The following XPO4 variants were observed in gnomAD, a reference collection of about 807,000 sequenced individuals.
The protein encoded by XPO4 is exportin-4.
In XPO4, 39 loss-of-function variants were observed where a neutral mutation model predicts 143.0. The ratio of observed to expected loss-of-function variants is 0.27; its 90% CI spans 0.21 to 0.36. The LOEUF (loss-of-function observed/expected upper bound fraction) is 0.36, where lower values mean the gene tolerates loss of function less well. Ranked by LOEUF, XPO4 falls within the 10% of genes least tolerant of loss-of-function variation. The pLI is 1.00. For missense variants in XPO4, 907 were observed against 1,348.0 expected, an observed-to-expected ratio of 0.67 and a Z score of 5.12; for synonymous variants, 439 against 474.0, an observed-to-expected ratio of 0.93 and a Z score of 0.96.
chr13:20,820,339 A>G (rs574837123), intron 9 of XPO4, among the ~76,000 whole-genome samples: 2 of 152,248 alleles, frequency 1.3e-5, no homozygotes, highest in Non-Finnish European at 2.9e-5. Context: ...AGGATGCCAT[A>G]TATCTTCCAG....
chr13:20,788,951 TAAAA>T (rs1363385588), intron 19 of XPO4, among the ~76,000 whole-genome samples: 1 of 152,156 alleles, frequency 6.6e-6, no homozygotes, highest in African/African-American at 2.4e-5. Context: ...AACTTAGGAG[TAAAA>T]CCTTTTTGTA....
At chr13:20,793,866 G>A (rs866170228) in intron 18 of XPO4, among the ~76,000 whole-genome samples, 5 of 152,210 alleles carry the variant, frequency 3.3e-5, no homozygotes, top group African/African-American at 1.2e-4. Flanking sequence ...TCCAGGGCAA[G>A]TCGTACAGAA....
At chr13:20,898,618 A>G (rs1373515802) in intron 1 of XPO4, among the ~76,000 whole-genome samples, 2 of 152,156 alleles carry the variant, frequency 1.3e-5, no homozygotes, top group Non-Finnish European at 1.5e-5. Context: ...GTATCAGTTA[A>G]TATGTGTGCT....
At chr13:20,820,215 T>C (rs2059701823) in intron 9 of XPO4, among the ~76,000 whole-genome samples, 1 of 152,260 alleles carries the variant, frequency 6.6e-6, no homozygotes, top group Non-Finnish European at 1.5e-5. Context: ...TCTGCTTCTC[T>C]GCAAATGCAT....
intron 19 of XPO4, among the ~76,000 whole-genome samples, chr13:20,789,750 T>G (rs2059254478): frequency 6.7e-6 from 1 of 149,616 alleles, no homozygotes. Context: ...TGTCTTTATC[T>G]CGTGTGTGTG....
intron 21 of XPO4, 101 bp downstream of exon 21, chr13:20,787,380 C>T: frequency 1.7e-6 from 2 of 1,160,756 alleles, no homozygotes; most frequent in Non-Finnish European, 1.3e-6. Flanking sequence ...TCCTTGCCCC[C>T]GAAAGAATGG....
intron 1 of XPO4, among the ~76,000 whole-genome samples, chr13:20,870,975 T>C (rs1447120767): frequency 6.6e-6 from 1 of 151,936 alleles, no homozygotes; most frequent in Non-Finnish European, 1.5e-5. Flanking sequence ...GCCCAGCTAA[T>C]TTTTGTATTT....
At chr13:20,858,293 T>C (rs2060163568) in intron 3 of XPO4, among the ~76,000 whole-genome samples, 1 of 152,144 alleles carries the variant, frequency 6.6e-6, no homozygotes, top group Admixed American at 6.5e-5. Context: ...ACTCAGAATA[T>C]GGAATCAGAA....
chr13:20,828,035 C>G lies in XPO4; in HGVS notation c.728-856G>C, dbSNP rs541858362. On this transcript the variant is annotated intron_variant, in intron 6 of 22. Coordinates refer to ENST00000255305, the MANE Select transcript of XPO4 (RefSeq NM_022459.5). The stretch of plus-strand genomic sequence containing the variant: ...GGCGGATCACCTGAGGTCAGGAGTT[C>G]GAGACCAGCCTGGCCAACATGGTGA... Among the ~76,000 whole-genome samples, 15 of 152,202 alleles carry G rather than the reference C, an allele frequency of 9.9e-5. No homozygotes were observed. The East Asian group carries it at 2.9e-3, about 29-fold the overall frequency.
At chr13:20,791,133 G>A (rs1381553078) in intron 18 of XPO4, among the ~76,000 whole-genome samples, 2 of 151,638 alleles carry the variant, frequency 1.3e-5, no homozygotes, top group Non-Finnish European at 2.9e-5. Flanking sequence ...ATAAATTAAT[G>A]AGAATACTAA....
At chr13:20,878,067 C>T (rs1009296505) in intron 1 of XPO4, among the ~76,000 whole-genome samples, 6 of 152,004 alleles carry the variant, frequency 3.9e-5, no homozygotes, top group African/African-American at 1.4e-4. Flanking sequence ...CGTGGTAGCA[C>T]GCACCTGCAG....
At chr13:20,783,974 G>C (rs74036440) in intron 22 of XPO4, 55 bp from the exon 23 acceptor site, 3 of 1,551,868 alleles carry the variant, frequency 1.9e-6, no homozygotes, top group Non-Finnish European at 2.7e-6. Flanking sequence ...CATACAAGTA[G>C]ATCTTATCAG....
chr13:20,856,543 G>C (rs1327591392), intron 3 of XPO4, among the ~76,000 whole-genome samples: 1 of 152,104 alleles, frequency 6.6e-6, no homozygotes, highest in Non-Finnish European at 1.5e-5. Flanking sequence ...CAACCACCAA[G>C]TGCCCCTGGA....
At chr13:20,853,053 C>T in intron 4 of XPO4, 1 of 985,146 alleles carries the variant, frequency 1.0e-6, no homozygotes, top group Non-Finnish European at 1.2e-6. Context: ...TTCCCATGGC[C>T]AGCCGTGGTG....
rs369192616 is a variant in XPO4, at chr13:20,902,715, G to C, written c.24C>G (p.Pro8=). 1 of 1,565,638 alleles carries C rather than the reference G, an allele frequency of 6.4e-7. No individual in the cohort carries two copies. Among genetic ancestry groups the C allele is most frequent in the East Asian group, 2.5e-5 (1 of 39,606 alleles). ...TCTCCAGCTGAGCGATCACTTCTGG[G>C]GGCCCCAGCGCCGCCGCCATCATGG... MMAAALG[P]PEVIAQLENA... is the part of the protein sequence containing the mutation. The change falls in exon 1 of 23, where the codon CCC becomes CCG. Residue 8 remains proline (P), a synonymous_variant. Coordinates refer to ENST00000255305, the MANE Select transcript of XPO4 (RefSeq NM_022459.5).
At chr13:20,824,574 C>T (rs2059760874) in intron 7 of XPO4, among the ~76,000 whole-genome samples, 1 of 152,174 alleles carries the variant, frequency 6.6e-6, no homozygotes. Context: ...CCACATAAAA[C>T]TAATAATAAA....
At chr13:20,844,192 T>A (rs1237708420) in intron 4 of XPO4, among the ~76,000 whole-genome samples, 1 of 152,210 alleles carries the variant, frequency 6.6e-6, no homozygotes, top group Non-Finnish European at 1.5e-5. Flanking sequence ...TTAAAAATAA[T>A]AAATGTTGAA....
chr13:20,889,537 C>G (rs944464689), intron 1 of XPO4, among the ~76,000 whole-genome samples: 51 of 152,228 alleles, frequency 3.4e-4, no homozygotes, highest in African/African-American at 1.2e-3. Flanking sequence ...CTACAATGCA[C>G]GAACCAGCCC....
intron 1 of XPO4, among the ~76,000 whole-genome samples, chr13:20,895,487 C>T (rs896605669): frequency 1.3e-5 from 2 of 152,052 alleles, no homozygotes; most frequent in South Asian, 4.1e-4. Flanking sequence ...CAAAAATTAG[C>T]TGGGTGTGGT....
Sources: gnomAD v4.1 joint callset for allele counts (sites outside exome capture counted in the v4.1 genomes callset) on GRCh38, gnomAD v4.1.1 for gene constraint, MANE v1.5 for transcripts, NCBI Gene and HGNC (gene_info 2026-07-23, HGNC 2026-07-21) for gene names.